RTN1: variants seen among roughly 807,000 people sequenced by gnomAD.
RTN1 encodes the protein reticulon 1.
In RTN1, 25 loss-of-function variants were observed where a neutral mutation model predicts 65.5. The observed-to-expected ratio is 0.38, with a 90% CI of 0.28 to 0.53. RTN1 has a LOEUF of 0.53. Among genes scored for constraint, RTN1 ranks in the 20% least tolerant of loss-of-function variants. RTN1 has a pLI of 0.79. For missense variants in RTN1, 983 were observed against 1,025.4 expected (o/e 0.96, Z 0.57); for synonymous variants, 471 against 447.6 (o/e 1.05, Z -0.66).
Position 59,750,418 on chromosome 14 carries a change from TATATA to T in RTN1, c.242-3942_242-3938del, listed in dbSNP as rs1278377636. On this transcript the variant is annotated intron_variant, in intron 1 of 8. Coordinates refer to ENST00000267484, the MANE Select transcript of RTN1 (RefSeq NM_021136.3). ...TATAATATATATATTATATGTATAATATATAATATATCTATAATATATAATATATC... is the reference window on the plus strand; with the variant it reads ...TATAATATATATATTATATGTATAATATATATCTATAATATATAATATATC... 7.2e-4 allele frequency among the ~76,000 whole-genome samples: 47 copies of T among 65,268 alleles called. 5 individuals carry two copies. In the East Asian group the frequency reaches 0.021, roughly 29 times the overall value. 42.8% of individuals were successfully genotyped at this position (65,268 alleles called of 152,430 possible).
At chr14:59,827,026 G>A (rs1887043119) in intron 1 of RTN1, among the ~76,000 whole-genome samples, 1 of 152,094 alleles carries the variant, frequency 6.6e-6, no homozygotes, top group South Asian at 2.1e-4. Context: ...GACAGTTTGA[G>A]GACACCAAAT....
chr14:59,652,908 A>G (rs1271688787), intron 3 of RTN1, among the ~76,000 whole-genome samples: 1 of 152,164 alleles, frequency 6.6e-6, no homozygotes, highest in Non-Finnish European at 1.5e-5. Flanking sequence ...GAAAAACGAA[A>G]AAAGTACAGA....
At chr14:59,780,929 T>G (rs918753288) in intron 1 of RTN1, among the ~76,000 whole-genome samples, 2 of 152,162 alleles carry the variant, frequency 1.3e-5, no homozygotes, top group Admixed American at 1.3e-4. Flanking sequence ...CAAATTCTGA[T>G]TCCATCTCCC....
chr14:59,697,383 C>T (rs1952035), intron 3 of RTN1, among the ~76,000 whole-genome samples: 99,692 of 151,994 alleles, frequency 0.66, 32,891 homozygotes, highest in South Asian at 0.72. Flanking sequence ...CATCACTGAA[C>T]TAAGTACAGT....
chr14:59,694,338 AGG>A (rs1037251066), intron 3 of RTN1, among the ~76,000 whole-genome samples: 1 of 152,230 alleles, frequency 6.6e-6, no homozygotes, highest in Non-Finnish European at 1.5e-5. Context: ...ATGTGGGAAG[AGG>A]GGGAGAACTG....
At chr14:59,752,314 A>T (rs1885538186) in intron 1 of RTN1, among the ~76,000 whole-genome samples, 1 of 152,092 alleles carries the variant, frequency 6.6e-6, no homozygotes, top group Non-Finnish European at 1.5e-5. Context: ...CTACATAGCC[A>T]TCTTTTTGCT....
At chr14:59,817,319 A>C (rs1409206667) in intron 1 of RTN1, among the ~76,000 whole-genome samples, 1 of 152,212 alleles carries the variant, frequency 6.6e-6, no homozygotes. Flanking sequence ...GGATCTGACC[A>C]AGACGATGCT....
At chr14:59,606,104 A>ATT (rs1881739898) in intron 4 of RTN1, 2 of 38,380 alleles carry the variant, frequency 5.2e-5, no homozygotes, top group East Asian at 0.02. Context: ...GAAAAACATG[A>ATT]TATATATATA....
chr14:59,811,014 TCTATATATGTG>T (rs1345264167), intron 1 of RTN1, among the ~76,000 whole-genome samples: 2 of 152,182 alleles, frequency 1.3e-5, no homozygotes, highest in Non-Finnish European at 2.9e-5. Flanking sequence ...TACTGGAACT[TCTATATATGTG>T]TAAGTCTTAT....
At chr14:59,861,984 T>G (rs1282655961) in intron 1 of RTN1, among the ~76,000 whole-genome samples, 1 of 152,152 alleles carries the variant, frequency 6.6e-6, no homozygotes, top group Admixed American at 6.5e-5. Flanking sequence ...GGGGAGCTAT[T>G]ACCTCGTATA....
At chr14:59,710,708 G>A (rs1884400547) in intron 3 of RTN1, among the ~76,000 whole-genome samples, 1 of 152,180 alleles carries the variant, frequency 6.6e-6, no homozygotes, top group Admixed American at 6.5e-5. Context: ...AGGCAGCTTT[G>A]GAAGCCTCAG....
intron 2 of RTN1, among the ~76,000 whole-genome samples, chr14:59,740,243 TGA>T (rs1885090403): frequency 6.6e-6 from 1 of 152,224 alleles, no homozygotes. Context: ...AGCACTCATA[TGA>T]GAGCCAGCTC....
In RTN1 at chr14:59,829,065, G is replaced by C. The variant is rs1405591082; in HGVS notation, c.241+41325C>G. Among the ~76,000 whole-genome samples, 1 of 152,062 alleles carries C rather than the reference G, an allele frequency of 6.6e-6. No homozygotes were observed. The highest frequency in any genetic ancestry group is 1.5e-5 in the Non-Finnish European group (1 of 68,024). On this transcript the variant is annotated intron_variant, in intron 1 of 8. Transcript: ENST00000267484. The surrounding 1 kb of genome is among the most constrained non-coding windows in gnomAD (Gnocchi z 4.3). ...AGCAGCTGAATAATGATGGACTTTA[G>C]GACACTTAACCCCTCTAAGTCTCCA...
At chr14:59,632,802 A>G (rs552742374) in intron 3 of RTN1, among the ~76,000 whole-genome samples, 2 of 152,214 alleles carry the variant, frequency 1.3e-5, no homozygotes, top group East Asian at 3.9e-4. Context: ...TTGACCATAA[A>G]GTTGACCTTG....
intron 3 of RTN1, among the ~76,000 whole-genome samples, chr14:59,714,232 TAA>T (rs66785056): frequency 1.0e-4 from 13 of 128,000 alleles, no homozygotes; most frequent in Admixed American, 7.9e-5. Context: ...AGACTCCGTC[TAA>T]AAAAAAAAAA....
intron 3 of RTN1, among the ~76,000 whole-genome samples, chr14:59,692,951 A>T (rs1240806470): frequency 3.3e-5 from 5 of 152,224 alleles, no homozygotes; most frequent in African/African-American, 1.2e-4. Flanking sequence ...CTACCAGCTG[A>T]ATATTTGCCA....
intron 8 of RTN1, among the ~76,000 whole-genome samples, chr14:59,599,741 T>C (rs1192517920): frequency 1.3e-5 from 2 of 152,204 alleles, no homozygotes; most frequent in Non-Finnish European, 2.9e-5. Flanking sequence ...TACTAATTCA[T>C]TCTGGATTTT....
rs138971932 is a variant in RTN1, at chr14:59,816,259, G to T, written c.241+54131C>A. ...GACACACACACACACTAGTTACTCA[G>T]GTGATTAATGAATGCTGATACAGAC... is the stretch of plus-strand genomic sequence containing the variant. On this transcript the variant is annotated intron_variant, in intron 1 of 8. Coordinates refer to ENST00000267484, the MANE Select transcript of RTN1 (RefSeq NM_021136.3). This position sits in a 1 kb window ranked among gnomAD's most constrained non-coding sequence, Gnocchi z 4.3. 6.6e-6 allele frequency among the ~76,000 whole-genome samples: 1 copy of T among 152,086 alleles called. No individual in the cohort carries two copies. The highest frequency in any genetic ancestry group is 1.5e-5 in the Non-Finnish European group (1 of 67,948).
intron 1 of RTN1, among the ~76,000 whole-genome samples, chr14:59,763,822 C>T (rs890552496): frequency 4.6e-5 from 7 of 152,130 alleles, no homozygotes; most frequent in African/African-American, 1.7e-4. Context: ...TGAGCCACCG[C>T]GTGCAGCCAA....
Sources: allele counts gnomAD v4.1 joint callset (sites outside exome capture counted in the v4.1 genomes callset), GRCh38; gene constraint gnomAD v4.1.1; non-coding constraint Gnocchi (gnomAD v3.1); transcripts MANE v1.5; gene names NCBI Gene and HGNC (gene_info 2026-07-23, HGNC 2026-07-21).